WAPL: variants seen among roughly 807,000 people sequenced by gnomAD.
WAPL encodes the protein WAPL cohesin release factor.
Under a neutral mutation model 121.0 loss-of-function variants are expected in WAPL, and 5 were observed. The observed-to-expected ratio is 0.04, with a 90% CI of 0.02 to 0.09. The LOEUF (loss-of-function observed/expected upper bound fraction) is 0.09, where lower values mean the gene tolerates loss of function less well. Among genes scored for constraint, WAPL ranks in the 10% least tolerant of loss-of-function variants. The pLI is 1.00. For missense variants in WAPL, 999 were observed against 1,410.8 expected (o/e 0.71, Z 4.68); for synonymous variants, 480 against 481.5 (o/e 1.00, Z 0.04).
chr10:86,501,048 C>G (rs373330662), intron 2 of WAPL, among the ~76,000 whole-genome samples: 3 of 152,150 alleles, frequency 2.0e-5, no homozygotes, highest in East Asian at 3.8e-4. Flanking sequence ...ATGACTCAGC[C>G]AAACCTTCTT....
intron 17 of WAPL, among the ~76,000 whole-genome samples, chr10:86,443,061 T>C (rs1849512646): frequency 1.5e-5 from 2 of 129,318 alleles, no homozygotes; most frequent in Admixed American, 7.9e-5. Flanking sequence ...AAAAAAAAAC[T>C]ACTGGAAATG....
intron 2 of WAPL, among the ~76,000 whole-genome samples, chr10:86,509,480 A>G (rs1251939815): frequency 1.3e-5 from 2 of 152,158 alleles, no homozygotes; most frequent in Non-Finnish European, 2.9e-5. Context: ...AAGTAAGCCC[A>G]TAGAGTGCTA....
intron 16 of WAPL, among the ~76,000 whole-genome samples, chr10:86,445,093 C>T (rs1018861097): frequency 2.0e-5 from 3 of 152,144 alleles, no homozygotes; most frequent in African/African-American, 7.2e-5. Flanking sequence ...CCTCTGCATC[C>T]AAGGGGTATT....
At chr10:86,462,179 G>A (rs1841292855) in intron 9 of WAPL, among the ~76,000 whole-genome samples, 1 of 152,168 alleles carries the variant, frequency 6.6e-6, no homozygotes, top group Non-Finnish European at 1.5e-5. Context: ...GGTTCCTGCT[G>A]CAATAAAGAA....
intron 4 of WAPL, among the ~76,000 whole-genome samples, chr10:86,486,355 G>T (rs1453870699): frequency 6.6e-6 from 1 of 152,106 alleles, no homozygotes; most frequent in Non-Finnish European, 1.5e-5. Context: ...CTCTTCAATT[G>T]TAAGATTTTG....
At chr10:86,437,700 A>C in intron 18 of WAPL, 92 bp from the exon 19 acceptor site, 1 of 1,329,264 alleles carries the variant, frequency 7.5e-7, no homozygotes, top group Non-Finnish European at 1.0e-6. Context: ...GATTTACTAA[A>C]CTGAACACTA....
chr10:86,500,137 C>A lies in WAPL; in HGVS notation c.1106G>T (p.Cys369Phe). The change falls in exon 3 of 19, where the codon TGT becomes TTT. Residue 369 changes from cysteine to phenylalanine, a missense_variant. Physicochemically the swap from Cys to Phe is radical, Grantham distance 205 (BLOSUM62 -2). This residue lies in a region of WAPL where 531 missense variants were observed against 563.1 expected (regional missense o/e 0.94). Transcript: ENST00000298767. ...CATAGTATCCTGTATGGTAACATTACAAACTGACAAGCAAGATGGATGTAA... is the reference window on the plus strand; with the variant it reads ...CATAGTATCCTGTATGGTAACATTAAAAACTGACAAGCAAGATGGATGTAA... Reference protein sequence around the residue: ...TVLHPSCLSVCNVTIQDTMER... With the variant: ...TVLHPSCLSVFNVTIQDTMER... 6.2e-7 allele frequency: 1 copy of A among 1,614,158 alleles called. No individual in the cohort carries two copies. Among genetic ancestry groups the A allele is most frequent in the Middle Eastern group, 1.6e-4 (1 of 6,062 alleles).
At position 86,472,536 on chromosome 10, in the gene WAPL, T is replaced by C. The variant is rs189286765; in HGVS notation, c.1893+76A>G. On this transcript the variant is annotated intron_variant, in intron 6 of 18. Transcript: ENST00000298767. The surrounding 1 kb of genome is among the most constrained non-coding windows in gnomAD (Gnocchi z 4.2). ...CTGAGTATCAGTATACTGATATTTG[T>C]TGAAGATATTAAATGGCTAAATGTT... is the stretch of plus-strand genomic sequence containing the variant. 6 of 1,569,652 alleles carry C rather than the reference T, an allele frequency of 3.8e-6. No homozygotes were observed. Among genetic ancestry groups the C allele is most frequent in the African/African-American group, 1.4e-5 (1 of 73,268 alleles).
intron 17 of WAPL, among the ~76,000 whole-genome samples, chr10:86,438,663 T>C (rs1281813689): frequency 2.0e-5 from 3 of 152,328 alleles, no homozygotes; most frequent in Admixed American, 1.3e-4. Context: ...GTGAGGACTT[T>C]AGACCTGAGA....
At chr10:86,458,762 C>T (rs1299971459) in intron 12 of WAPL, among the ~76,000 whole-genome samples, 1 of 152,090 alleles carries the variant, frequency 6.6e-6, no homozygotes, top group Non-Finnish European at 1.5e-5. Context: ...TTGATTTGTA[C>T]ATTACAAAAG....
chr10:86,444,980 TGATCA>T (rs896426119), intron 16 of WAPL, among the ~76,000 whole-genome samples: 1 of 147,496 alleles, frequency 6.8e-6, no homozygotes, highest in Non-Finnish European at 1.5e-5. Context: ...AAACTAATGG[TGATCA>T]GATTTGGGGA....
intron 3 of WAPL, among the ~76,000 whole-genome samples, chr10:86,498,438 T>C (rs1842189456): frequency 6.6e-6 from 1 of 152,108 alleles, no homozygotes; most frequent in Admixed American, 6.5e-5. Flanking sequence ...CCCCTAGGGG[T>C]ACTCCTGTGT....
At position 86,476,687 on chromosome 10, in the gene WAPL, T is replaced by TA. The variant is rs34743479; in HGVS notation, c.1645-2715dup. Among the ~76,000 whole-genome samples, 1,037 of 140,152 alleles carry TA rather than the reference T, an allele frequency of 7.4e-3. 8 individuals carry two copies. The highest frequency in any genetic ancestry group is 0.029 in the Middle Eastern group (8 of 278). The allele number at this position is 140,152 out of a possible 152,430, so 91.9% of individuals were successfully genotyped here. ...CTGGGCGACAAAGCGAGACTGTCTT[T>TA]AAAAAAAAAAAAAAAAAAGTGCTTT... On this transcript the variant is annotated intron_variant, in intron 4 of 18. Coordinates refer to ENST00000298767, the MANE Select transcript of WAPL (RefSeq NM_015045.5).
chr10:86,449,336 G>A (rs1464221479), intron 15 of WAPL, among the ~76,000 whole-genome samples: 1 of 152,196 alleles, frequency 6.6e-6, no homozygotes, highest in Non-Finnish European at 1.5e-5. Flanking sequence ...ACTGATGTGA[G>A]TACAAGGCAG....
At chr10:86,473,017 C>A (rs761164847) in intron 5 of WAPL, among the ~76,000 whole-genome samples, 1 of 152,110 alleles carries the variant, frequency 6.6e-6, no homozygotes, top group Non-Finnish European at 1.5e-5. Flanking sequence ...TTATTTCACA[C>A]AATTTGTCGT....
chr10:86,455,683 T>TAAAAAAAAAAAAAAAAAAAAAA (rs539594893), intron 12 of WAPL, among the ~76,000 whole-genome samples: 18 of 28,832 alleles, frequency 6.2e-4, no homozygotes, highest in South Asian at 1.8e-3. Context: ...CAATAAATAC[T>TAAAAAAAAAAAAAAAAAAAAAA]AAAAAAAAAA....
intron 4 of WAPL, among the ~76,000 whole-genome samples, chr10:86,480,791 G>A (rs905007710): frequency 2.0e-5 from 3 of 152,036 alleles, no homozygotes; most frequent in Admixed American, 1.3e-4. Context: ...GAAGAGAAGT[G>A]AGGTACACCT....
intron 4 of WAPL, among the ~76,000 whole-genome samples, chr10:86,486,569 G>A (rs1841933914): frequency 6.6e-6 from 1 of 152,138 alleles, no homozygotes; most frequent in Admixed American, 6.5e-5. Context: ...AGGACAGATG[G>A]GAAGAAAAAA....
intron 4 of WAPL, among the ~76,000 whole-genome samples, chr10:86,491,603 T>C (rs1197935559): frequency 6.6e-6 from 1 of 152,004 alleles, no homozygotes; most frequent in African/African-American, 2.4e-5. Flanking sequence ...AGGGAATCTA[T>C]AAGATGAGCC....
Sources: gnomAD v4.1 joint callset for allele counts (sites outside exome capture counted in the v4.1 genomes callset) on GRCh38, gnomAD v4.1.1 for gene constraint, gnomAD v4.1.1 regional missense constraint, Gnocchi (gnomAD v3.1) non-coding constraint, MANE v1.5 for transcripts, NCBI Gene and HGNC (gene_info 2026-07-23, HGNC 2026-07-21) for gene names.